The following SBF2 variants were observed in gnomAD, a reference collection of about 807,000 sequenced individuals.
SBF2 encodes the protein myotubularin-related protein 13.
SBF2 carries 112 observed loss-of-function variants against 225.2 expected under a neutral mutation model. The ratio of observed to expected loss-of-function variants is 0.50; its 90% confidence interval spans 0.43 to 0.58. The LOEUF is 0.58. Ranked by LOEUF, SBF2 falls within the 20% of genes least tolerant of loss-of-function variation. The probability of loss-of-function intolerance (pLI) is 0.00; values close to 1 mark genes in which losing one functional copy is unlikely to be tolerated. For synonymous variants in SBF2, 763 were observed against 773.3 expected (o/e 0.99, Z 0.22); for missense variants, 1,996 against 2,206.2 (o/e 0.90, Z 1.91).
intron 28 of SBF2, among the ~76,000 whole-genome samples, chr11:9,820,357 G>C (rs1355971040): frequency 2.6e-5 from 4 of 152,216 alleles, no homozygotes; most frequent in African/African-American, 9.6e-5. Flanking sequence ...GGCTGCAGAG[G>C]TGCTGGCTGA....
At chr11:10,145,050 G>A (rs1265024010) in intron 2 of SBF2, among the ~76,000 whole-genome samples, 1 of 152,192 alleles carries the variant, frequency 6.6e-6, no homozygotes, top group Admixed American at 6.5e-5. Context: ...CATGGTCAAG[G>A]AGTATGGGGA....
intron 33 of SBF2, among the ~76,000 whole-genome samples, chr11:9,795,440 G>A (rs1307049069): frequency 6.6e-6 from 1 of 152,134 alleles, no homozygotes; most frequent in Non-Finnish European, 1.5e-5. Context: ...TGGCAATGCT[G>A]GGATTTTACC....
chr11:10,093,057 C>T (rs1356507967), intron 2 of SBF2, among the ~76,000 whole-genome samples: 1 of 150,856 alleles, frequency 6.6e-6, no homozygotes, highest in Non-Finnish European at 1.5e-5. Flanking sequence ...CTTGCTGTTA[C>T]CCAGGCTGGA....
intron 3 of SBF2, among the ~76,000 whole-genome samples, chr11:10,037,290 C>T (rs1176471207): frequency 6.6e-6 from 1 of 152,108 alleles, no homozygotes; most frequent in East Asian, 1.9e-4. Context: ...ATACACAAGT[C>T]TCCCAATTTT....
chr11:10,034,226 T>A (rs1175514429), intron 3 of SBF2, among the ~76,000 whole-genome samples: 1 of 152,226 alleles, frequency 6.6e-6, no homozygotes, highest in Non-Finnish European at 1.5e-5. Flanking sequence ...GTAGATATCT[T>A]TGCCTACCAA....
intron 31 of SBF2, 46 bp from the exon 32 acceptor site, chr11:9,808,231 A>C (rs1355152879): frequency 6.6e-7 from 1 of 1,526,500 alleles, no homozygotes; most frequent in South Asian, 1.1e-5. Context: ...AGTTCTGAAA[A>C]AGGCCTATTA....
intron 17 of SBF2, among the ~76,000 whole-genome samples, chr11:9,864,337 T>C (rs948934393): frequency 1.3e-5 from 2 of 150,404 alleles, no homozygotes; most frequent in Non-Finnish European, 3.0e-5. Context: ...TTGTCCAGTA[T>C]TCACTTGATG....
At chr11:10,226,952 G>C (rs1231308607) in intron 1 of SBF2, among the ~76,000 whole-genome samples, 1 of 152,162 alleles carries the variant, frequency 6.6e-6, no homozygotes, top group Non-Finnish European at 1.5e-5. Context: ...CAGTATAAAA[G>C]TGTTCCTATT....
chr11:10,056,658 C>T (rs372727026), intron 2 of SBF2, among the ~76,000 whole-genome samples: 1 of 152,224 alleles, frequency 6.6e-6, no homozygotes, highest in African/African-American at 2.4e-5. Flanking sequence ...AGTGGCCACA[C>T]TGCTGCTTTA....
intron 1 of SBF2, among the ~76,000 whole-genome samples, chr11:10,287,990 C>A (rs1269419648): frequency 6.6e-6 from 1 of 152,192 alleles, no homozygotes; most frequent in Non-Finnish European, 1.5e-5. Context: ...CAGCTCTCTG[C>A]GAGGCTGTGG....
chr11:9,959,481 C>G (rs1866416600), intron 16 of SBF2: 1 of 919,090 alleles, frequency 1.1e-6, no homozygotes, highest in East Asian at 2.4e-5. Context: ...TCAAATTGGT[C>G]TCTGCAGGCT....
At chr11:10,045,488 G>A (rs1027623086) in intron 2 of SBF2, among the ~76,000 whole-genome samples, 1 of 152,106 alleles carries the variant, frequency 6.6e-6, no homozygotes, top group Non-Finnish European at 1.5e-5. Flanking sequence ...AAAAACCAAG[G>A]TATAGGAATA....
intron 2 of SBF2, among the ~76,000 whole-genome samples, chr11:10,167,969 G>T (rs1034560405): frequency 6.6e-6 from 1 of 152,242 alleles, no homozygotes; most frequent in Non-Finnish European, 1.5e-5. Flanking sequence ...GGTGAGTAGA[G>T]ATCGTGCCAC....
At chr11:9,917,388 G>A (rs1863188615) in intron 16 of SBF2, among the ~76,000 whole-genome samples, 1 of 151,594 alleles carries the variant, frequency 6.6e-6, no homozygotes, top group African/African-American at 2.4e-5. Context: ...CTGAAGTGCA[G>A]TGACACGGTC....
chr11:10,141,198 G>A (rs772892892), intron 2 of SBF2, among the ~76,000 whole-genome samples: 1 of 152,010 alleles, frequency 6.6e-6, no homozygotes, highest in Non-Finnish European at 1.5e-5. Context: ...TTCAGAAAAG[G>A]TTTATAACAG....
intron 13 of SBF2, among the ~76,000 whole-genome samples, chr11:9,976,733 G>T (rs553896364): frequency 6.6e-6 from 1 of 151,918 alleles, no homozygotes; most frequent in Non-Finnish European, 1.5e-5. Flanking sequence ...TAAAACACAT[G>T]TCCAACTGAT....
intron 2 of SBF2, among the ~76,000 whole-genome samples, chr11:10,054,879 TTTTA>T (rs1051909282): frequency 3.5e-5 from 5 of 144,108 alleles, no homozygotes. Context: ...TGCCCATTAT[TTTTA>T]TTTGTTTGCA....
At chr11:10,136,986 T>G (rs1195337710) in intron 2 of SBF2, among the ~76,000 whole-genome samples, 1 of 152,212 alleles carries the variant, frequency 6.6e-6, no homozygotes, top group Non-Finnish European at 1.5e-5. Flanking sequence ...GTTAAACCTG[T>G]GTATCAACTT....
At chr11:10,001,517 A>G (rs570692236) in intron 7 of SBF2, among the ~76,000 whole-genome samples, 1 of 152,022 alleles carries the variant, frequency 6.6e-6, no homozygotes, top group Non-Finnish European at 1.5e-5. Flanking sequence ...AAGCACCTAA[A>G]TTAAAAATAA....
Sources: allele counts gnomAD v4.1 joint callset (sites outside exome capture counted in the v4.1 genomes callset), GRCh38; gene constraint gnomAD v4.1.1; transcripts MANE v1.5; gene names NCBI Gene and HGNC (gene_info 2026-07-23, HGNC 2026-07-21).